Variants in SIPA1L3 observed in about 807,000 individuals in gnomAD.
SIPA1L3 encodes the protein signal induced proliferation associated 1 like 3.
SIPA1L3 carries 59 observed loss-of-function variants against 150.1 expected under a neutral mutation model. That is an observed-to-expected ratio of 0.39 (90% CI 0.32 to 0.49). The LOEUF (loss-of-function observed/expected upper bound fraction) is 0.49, where lower values mean the gene tolerates loss of function less well. Ranked by LOEUF, SIPA1L3 falls within the 20% of genes least tolerant of loss-of-function variation. The pLI is 0.86. For synonymous variants in SIPA1L3, 1,070 were observed against 1,077.6 expected, an observed-to-expected ratio of 0.99 and a Z score of 0.14; for missense variants, 2,211 against 2,489.5, an observed-to-expected ratio of 0.89 and a Z score of 2.38.
At chr19:38,148,910 A>T (rs779102608) in intron 12 of SIPA1L3, among the ~76,000 whole-genome samples, 3 of 152,240 alleles carry the variant, frequency 2.0e-5, no homozygotes, top group Admixed American at 6.5e-5. Context: ...GGTTAAAGAC[A>T]GCAATTTGAT....
intron 1 of SIPA1L3, among the ~76,000 whole-genome samples, chr19:37,959,428 C>T (rs1032379668): frequency 6.6e-6 from 1 of 152,196 alleles, no homozygotes; most frequent in Non-Finnish European, 1.5e-5. Flanking sequence ...CAAAAGAGCA[C>T]ATCTTGCTTC....
chr19:38,182,897 G>A (rs1028026941), intron 16 of SIPA1L3, 157 bp downstream of exon 16: 6 of 605,722 alleles, frequency 9.9e-6, no homozygotes, highest in Non-Finnish European at 1.4e-5. Context: ...CAGGACAGGC[G>A]AGAACCCCTC....
At chr19:38,042,875 G>A (rs17349787) in intron 2 of SIPA1L3, among the ~76,000 whole-genome samples, 3,611 of 152,244 alleles carry the variant, frequency 0.024, 67 homozygotes, top group Middle Eastern at 0.078. Flanking sequence ...TACCCTGAAA[G>A]CCAGTAGTAA....
At chr19:38,195,883 G>A (rs972256731) in intron 18 of SIPA1L3, among the ~76,000 whole-genome samples, 4 of 148,792 alleles carry the variant, frequency 2.7e-5, no homozygotes, top group Admixed American at 7.0e-5. Context: ...GTCACTAGAT[G>A]AGAATGTGTC....
At chr19:38,142,439 G>A in intron 11 of SIPA1L3, 134 bp from the exon 12 acceptor site, 1 of 964,720 alleles carries the variant, frequency 1.0e-6, no homozygotes, top group Non-Finnish European at 1.5e-6. Context: ...AAGGGATGTG[G>A]CTGGGCGGGG....
At position 38,201,836 on chromosome 19, in the gene SIPA1L3, C is replaced by G. The variant is rs576184326; in HGVS notation, c.4985-26C>G. On this transcript the variant is annotated intron_variant, in intron 19 of 21. Coordinates refer to ENST00000222345, the MANE Select transcript of SIPA1L3 (RefSeq NM_015073.3). Reference sequence around the variant, plus strand: ...GAGAAGCCGGGAGCCTTGCTGACCCCTCTCCTCCTCCTCCCTCCCTGGCAG... The same window carrying G: ...GAGAAGCCGGGAGCCTTGCTGACCCGTCTCCTCCTCCTCCCTCCCTGGCAG... The G allele has an allele frequency of 2.3e-4, 363 of 1,582,830 alleles. 5 individuals are homozygous for G. In the South Asian group the frequency reaches 3.8e-3, roughly 17 times the overall value.
chr19:38,201,213 G>A (rs1973080210), intron 19 of SIPA1L3, among the ~76,000 whole-genome samples: 1 of 152,222 alleles, frequency 6.6e-6, no homozygotes, highest in Non-Finnish European at 1.5e-5. Flanking sequence ...GGGCACTAGG[G>A]CGGTGGCCAG....
intron 9 of SIPA1L3, among the ~76,000 whole-genome samples, chr19:38,127,435 G>A (rs1448018678): frequency 2.0e-5 from 3 of 152,056 alleles, no homozygotes; most frequent in African/African-American, 7.2e-5. Context: ...TAAACACATT[G>A]TCACCCATGA....
intron 12 of SIPA1L3, among the ~76,000 whole-genome samples, chr19:38,146,027 C>G (rs769285434): frequency 6.6e-6 from 1 of 152,154 alleles, no homozygotes; most frequent in Non-Finnish European, 1.5e-5. Flanking sequence ...CACACCCAGC[C>G]AATTTTTCTT....
intron 2 of SIPA1L3, among the ~76,000 whole-genome samples, chr19:38,057,555 G>A (rs895297333): frequency 4.0e-5 from 6 of 151,742 alleles, no homozygotes; most frequent in African/African-American, 1.5e-4. Context: ...TTTTTTGCCT[G>A]TTATAAAGGA....
At chr19:37,942,151 C>T (rs1238055961) in intron 1 of SIPA1L3, among the ~76,000 whole-genome samples, 1 of 152,134 alleles carries the variant, frequency 6.6e-6, no homozygotes, top group Non-Finnish European at 1.5e-5. Context: ...CATATGCTTC[C>T]AGTGCCGGGG....
Position 38,083,104 on chromosome 19 carries a change from C to T in SIPA1L3, c.1534+5C>T, listed in dbSNP as rs201690641. ...AGGATTACTTCGTGGGCAAAGGTGA[C>T]GGATGGCGTGTGGGTGGGAAGGTTG... On this transcript the variant is annotated splice_donor_5th_base_variant and intron_variant, in intron 3 of 21. Transcript: ENST00000222345. 110 of 1,603,414 alleles carry T rather than the reference C, an allele frequency of 6.9e-5. No homozygotes were observed. The African/African-American group carries it at 1.0e-3, about 15-fold the overall frequency.
rs747756595 is a variant in SIPA1L3 at position 38,164,461 on chromosome 19, G to T, written c.3781-18G>T. ...CTGCCCTGGAGTCTGGGAATGACAC[G>T]CTTCTCTTGCCTCTCAGGGAGAACC... On this transcript the variant is annotated intron_variant, in intron 14 of 21. Coordinates refer to ENST00000222345, the MANE Select transcript of SIPA1L3 (RefSeq NM_015073.3). This position sits in a 1 kb window ranked among gnomAD's most constrained non-coding sequence, Gnocchi z 4.1. 1.3e-6 allele frequency: 2 copies of T among 1,583,778 alleles called. No individual in the cohort carries two copies. Among genetic ancestry groups the T allele is most frequent in the Non-Finnish European group, 1.7e-6 (2 of 1,159,044 alleles).
chr19:38,037,959 G>A (rs1175697900), intron 2 of SIPA1L3, among the ~76,000 whole-genome samples: 2 of 152,122 alleles, frequency 1.3e-5, no homozygotes, highest in East Asian at 3.9e-4. Flanking sequence ...ACCTTCCATG[G>A]TCAGAGGATG....
intron 4 of SIPA1L3, among the ~76,000 whole-genome samples, chr19:38,091,220 T>C (rs1970250855): frequency 6.6e-6 from 1 of 151,600 alleles, no homozygotes; most frequent in African/African-American, 2.4e-5. Flanking sequence ...ACCCTGTCTG[T>C]ACTAAAAACA....
chr19:38,186,858 C>T (rs1181237602), intron 16 of SIPA1L3, among the ~76,000 whole-genome samples: 1 of 150,678 alleles, frequency 6.6e-6, no homozygotes, highest in Non-Finnish European at 1.5e-5. Flanking sequence ...GGCGTGGTGT[C>T]GCATGCCTGT....
At chr19:37,909,354 C>T (rs1255683783) in intron 1 of SIPA1L3, among the ~76,000 whole-genome samples, 1 of 151,996 alleles carries the variant, frequency 6.6e-6, no homozygotes, top group Non-Finnish European at 1.5e-5. Flanking sequence ...ATTACAGGTG[C>T]CCGCCACCAC....
At chr19:37,942,913 A>G (rs1173694623) in intron 1 of SIPA1L3, among the ~76,000 whole-genome samples, 1 of 151,796 alleles carries the variant, frequency 6.6e-6, no homozygotes, top group Non-Finnish European at 1.5e-5. Context: ...TAGTAGAGAC[A>G]GGTTTTCCAG....
At chr19:37,984,420 T>G (rs928737214) in intron 1 of SIPA1L3, among the ~76,000 whole-genome samples, 3 of 152,048 alleles carry the variant, frequency 2.0e-5, no homozygotes, top group Admixed American at 6.6e-5. Flanking sequence ...ATTGAAGACT[T>G]GCATCTCAAT....
Sources: gnomAD v4.1 joint callset for allele counts (sites outside exome capture counted in the v4.1 genomes callset) on GRCh38, gnomAD v4.1.1 for gene constraint, Gnocchi (gnomAD v3.1) non-coding constraint, MANE v1.5 for transcripts, NCBI Gene and HGNC (gene_info 2026-07-23, HGNC 2026-07-21) for gene names.